Variants in YEATS4 observed in about 807,000 individuals in gnomAD.
YEATS4 encodes YEATS domain-containing protein 4.
A neutral mutation model predicts 30.1 loss-of-function variants in YEATS4; 17 were observed. The observed-to-expected ratio is 0.56, with a 90% CI of 0.39 to 0.85. The LOEUF is 0.85. Ranked by LOEUF, YEATS4 falls within the 40% of genes least tolerant of loss-of-function variation. YEATS4 has a pLI of 0.00. For missense variants in YEATS4, 142 were observed against 268.3 expected (o/e 0.53, Z 3.29); for synonymous variants, 85 against 87.5 (o/e 0.97, Z 0.16).
At chr12:69,371,189 T>C (rs952234906) in intron 6 of YEATS4, among the ~76,000 whole-genome samples, 2 of 152,228 alleles carry the variant, frequency 1.3e-5, no homozygotes, top group African/African-American at 4.8e-5. Flanking sequence ...AGACAGCCTC[T>C]TACATTCGCT....
chr12:69,392,391 A>G (rs993588094), downstream of YEATS4, among the ~76,000 whole-genome samples: 2 of 152,250 alleles, frequency 1.3e-5, no homozygotes, highest in African/African-American at 4.8e-5. Flanking sequence ...ATATATACCC[A>G]AGAGAAATGA....
intron 6 of YEATS4, among the ~76,000 whole-genome samples, chr12:69,383,617 T>G (rs1417760553): frequency 2.0e-5 from 3 of 152,164 alleles, no homozygotes; most frequent in Non-Finnish European, 4.4e-5. Flanking sequence ...TATCAGGAAC[T>G]AGAGAGTGTC....
intron 4 of YEATS4, among the ~76,000 whole-genome samples, chr12:69,369,547 G>A (rs951886880): frequency 1.3e-5 from 2 of 152,128 alleles, no homozygotes. Context: ...TTCTGAGCTT[G>A]GAGCACTGTA....
chr12:69,366,573 C>G (rs1444244898), intron 4 of YEATS4, among the ~76,000 whole-genome samples: 1 of 151,992 alleles, frequency 6.6e-6, no homozygotes, highest in African/African-American at 2.4e-5. Context: ...AGTATTTTTT[C>G]TTTTGAGTAA....
the YEATS4 span, among the ~76,000 whole-genome samples, chr12:69,402,881 C>G: frequency 2.0e-5 from 3 of 151,818 alleles, no homozygotes; most frequent in African/African-American, 7.3e-5. Flanking sequence ...TGCCACCACG[C>G]CTGGCTAATT....
the YEATS4 span, among the ~76,000 whole-genome samples, chr12:69,420,031 C>T: frequency 6.6e-6 from 1 of 152,206 alleles, no homozygotes; most frequent in Non-Finnish European, 1.5e-5. Context: ...TAGAGATCCA[C>T]TAACAGTCTC....
At position 69,374,140 on chromosome 12, in the gene YEATS4, G is replaced by GTT. The variant is rs56302338; in HGVS notation, c.514+3175_514+3176dup. On this transcript the variant is annotated intron_variant, in intron 6 of 6. Transcript: ENST00000247843. ...GGTTCCACATAAAATTTTAGGTTTT[G>GTT]TTTTTTTTTTTCTATTTCTGTGAAG... 5.8e-4 allele frequency among the ~76,000 whole-genome samples: 86 copies of GTT among 147,176 alleles called. 1 individual carries two copies. The highest frequency in any genetic ancestry group is 2.8e-3 in the South Asian group (13 of 4,686).
chr12:69,376,149 C>T (rs1183082863), intron 6 of YEATS4, among the ~76,000 whole-genome samples: 3 of 152,082 alleles, frequency 2.0e-5, no homozygotes, highest in African/African-American at 7.2e-5. Context: ...GATGGATCAC[C>T]TGAGGTCAGG....
chr12:69,411,709 G>A, the YEATS4 span, among the ~76,000 whole-genome samples: 6 of 152,214 alleles, frequency 3.9e-5, no homozygotes, highest in East Asian at 3.8e-4. Context: ...GCATTAGTGC[G>A]AGACACGAAG....
At chr12:69,421,830 A>G in the YEATS4 span, among the ~76,000 whole-genome samples, 1 of 152,170 alleles carries the variant, frequency 6.6e-6, no homozygotes. Flanking sequence ...CAGCTGTGTG[A>G]CCTTTATGGA....
chr12:69,407,245 G>A, the YEATS4 span, among the ~76,000 whole-genome samples: 2 of 151,802 alleles, frequency 1.3e-5, no homozygotes, highest in Non-Finnish European at 2.9e-5. Context: ...AAGAGCAAAG[G>A]TTTTATCATC....
chr12:69,415,792 G>A, the YEATS4 span, among the ~76,000 whole-genome samples: 3 of 152,226 alleles, frequency 2.0e-5, no homozygotes, highest in Non-Finnish European at 2.9e-5. Flanking sequence ...CATGGATGCC[G>A]AGAAAAAGAT....
At chr12:69,360,253 A>G (rs1179291884) in intron 1 of YEATS4, among the ~76,000 whole-genome samples, 1 of 152,136 alleles carries the variant, frequency 6.6e-6, no homozygotes, top group Non-Finnish European at 1.5e-5. Context: ...AAACAAACAG[A>G]TAAATGGTGG....
At chr12:69,365,491 G>T in intron 2 of YEATS4, 142 bp from the exon 3 acceptor site, 1 of 619,548 alleles carries the variant, frequency 1.6e-6, no homozygotes. Flanking sequence ...CCCAGGTGTA[G>T]TTCATGTTTT....
the YEATS4 span, among the ~76,000 whole-genome samples, chr12:69,423,739 G>A: frequency 6.6e-6 from 1 of 152,184 alleles, no homozygotes; most frequent in Admixed American, 6.5e-5. Flanking sequence ...AGAACACACT[G>A]GCTTCATCAA....
chr12:69,400,475 T>C, the YEATS4 span, among the ~76,000 whole-genome samples: 1 of 151,454 alleles, frequency 6.6e-6, no homozygotes, highest in African/African-American at 2.4e-5. Context: ...ATGAAAAAAA[T>C]TCAATAGAAA....
At chr12:69,417,921 G>T in the YEATS4 span, among the ~76,000 whole-genome samples, 3 of 149,294 alleles carry the variant, frequency 2.0e-5, no homozygotes, top group African/African-American at 7.4e-5. Flanking sequence ...AAAAACTGCT[G>T]ATGGGGAAAT....
intron 4 of YEATS4, among the ~76,000 whole-genome samples, chr12:69,368,468 T>C (rs1875522704): frequency 6.6e-6 from 1 of 152,254 alleles, no homozygotes. Context: ...TCTGGAAGTC[T>C]GAATAATAAA....
At chr12:69,372,030 G>C (rs1219052673) in intron 6 of YEATS4, among the ~76,000 whole-genome samples, 1 of 152,172 alleles carries the variant, frequency 6.6e-6, no homozygotes, top group Non-Finnish European at 1.5e-5. Context: ...AGAGTAGAGT[G>C]AACAAGAGGA....
Sources: gnomAD v4.1 joint callset for allele counts (sites outside exome capture counted in the v4.1 genomes callset) on GRCh38, gnomAD v4.1.1 for gene constraint, MANE v1.5 for transcripts, NCBI Gene and HGNC (gene_info 2026-07-23, HGNC 2026-07-21) for gene names.